Variants in PLEKHM2 observed in about 807,000 individuals in gnomAD.
The protein encoded by PLEKHM2 is pleckstrin homology and RUN domain containing M2.
In PLEKHM2, 77 loss-of-function variants were observed where a neutral mutation model predicts 116.3. The ratio of observed to expected loss-of-function variants is 0.66; its 90% CI spans 0.55 to 0.80. PLEKHM2 has a LOEUF of 0.80. Ranked by LOEUF, PLEKHM2 falls within the 30% of genes least tolerant of loss-of-function variation. The pLI is 0.00. For synonymous variants in PLEKHM2, 562 were observed against 571.0 expected, an observed-to-expected ratio of 0.98 and a Z score of 0.22; for missense variants, 1,183 against 1,354.9, an observed-to-expected ratio of 0.87 and a Z score of 1.99.
intron 1 of PLEKHM2, among the ~76,000 whole-genome samples, chr1:15,702,214 G>A (rs1426357600): frequency 6.6e-6 from 1 of 152,162 alleles, no homozygotes; most frequent in Admixed American, 6.6e-5. Context: ...CTTTCCATGG[G>A]ACGCGTCCTC....
intron 1 of PLEKHM2, among the ~76,000 whole-genome samples, chr1:15,703,642 G>C (rs1358621496): frequency 6.6e-6 from 1 of 152,196 alleles, no homozygotes; most frequent in African/African-American, 2.4e-5. Context: ...ACTAGAAATT[G>C]TTTTGTGGGT....
chr1:15,720,128 T>TTATATA (rs144815982), intron 6 of PLEKHM2, among the ~76,000 whole-genome samples: 5,188 of 115,772 alleles, frequency 0.045, 120 homozygotes, highest in Middle Eastern at 0.071. Flanking sequence ...AAAGCTGAAA[T>TTATATA]TATATATATA....
chr1:15,714,246 T>C (rs984736266), intron 1 of PLEKHM2, among the ~76,000 whole-genome samples: 4 of 151,822 alleles, frequency 2.6e-5, no homozygotes, highest in Non-Finnish European at 4.4e-5. Flanking sequence ...GGCCCTGTTT[T>C]GGTTTTTTAA....
chr1:15,711,805 C>G (rs1641336422), intron 1 of PLEKHM2, among the ~76,000 whole-genome samples: 1 of 151,966 alleles, frequency 6.6e-6, no homozygotes, highest in Non-Finnish European at 1.5e-5. Flanking sequence ...TATAACAACA[C>G]ATTAGGTTAA....
In PLEKHM2 at chr1:15,732,638, C is replaced by T; in HGVS notation, c.2832C>T (p.Leu944=). 2.5e-6 allele frequency: 4 copies of T among 1,606,164 alleles called. No homozygotes were observed. The highest frequency in any genetic ancestry group is 2.2e-5 in the East Asian group (1 of 44,650). ...AGTTCTCCCAGGACAGCCAGCAGCT[C>T]CTCCCGCCCTGGGTCATCTACCTGA... ...VLEFSQDSQQ[L]LPPWVIYLSC... Residue 944 remains leucine, a synonymous_variant, in exon 19 of 20, where the codon CTC becomes CTT. Transcript: ENST00000375799.
Position 15,725,250 on chromosome 1 carries a change from A to G in PLEKHM2, c.713-67A>G, listed in dbSNP as rs145370112. 1,519 of 1,178,912 alleles carry G rather than the reference A, an allele frequency of 1.3e-3. 17 individuals carry two copies. In the African/African-American group the frequency reaches 0.019, roughly 15 times the overall value. The allele number at this position is 1,178,912 out of a possible 1,614,324, so 73.0% of individuals were successfully genotyped here. On this transcript the variant is annotated intron_variant, in intron 7 of 19. Transcript: ENST00000375799. ...GCCTGCCTCCCTCCTGGGCTAACGCATGCTCTGGGGGTCGGGGACCCCGGG... is the reference window on the plus strand; with the variant it reads ...GCCTGCCTCCCTCCTGGGCTAACGCGTGCTCTGGGGGTCGGGGACCCCGGG...
At chr1:15,732,078 T>A in intron 17 of PLEKHM2, 30 bp downstream of exon 17, 1 of 1,597,388 alleles carries the variant, frequency 6.3e-7, no homozygotes, top group Non-Finnish European at 8.6e-7. Context: ...ACCGCTCACC[T>A]GGCTTGCCTG....
chr1:15,693,660 G>A (rs1335277533), intron 1 of PLEKHM2, among the ~76,000 whole-genome samples: 3 of 152,210 alleles, frequency 2.0e-5, no homozygotes, highest in Non-Finnish European at 4.4e-5. Context: ...GCTTCAGATG[G>A]AGCAGTGGTC....
At chr1:15,692,620 T>C (rs1454036008) in intron 1 of PLEKHM2, among the ~76,000 whole-genome samples, 1 of 152,238 alleles carries the variant, frequency 6.6e-6, no homozygotes, top group Non-Finnish European at 1.5e-5. Flanking sequence ...GGTTTTTTTG[T>C]AGAGACTGAG....
At chr1:15,722,307 C>A (rs563140940) in intron 7 of PLEKHM2, among the ~76,000 whole-genome samples, 12 of 152,280 alleles carry the variant, frequency 7.9e-5, no homozygotes, top group African/African-American at 2.9e-4. Context: ...CCACGCCCGG[C>A]TAATTTTTGT....
intron 2 of PLEKHM2, 60 bp downstream of exon 2, chr1:15,716,403 A>C: frequency 1.9e-6 from 2 of 1,030,342 alleles, no homozygotes; most frequent in Non-Finnish European, 2.9e-6. Context: ...AGTAGCCTCC[A>C]CAGAGAAACC....
chr1:15,727,668 C>A lies in PLEKHM2; in HGVS notation c.1596C>A (p.Ser532=). The A allele has an allele frequency of 1.3e-6, 2 of 1,595,360 alleles. No homozygotes were observed. ...REAQELEAQL[S]LVREGPVSEP... is the part of the protein sequence containing the mutation. ...CTCAGGAGCTGGAGGCCCAGCTGTCCCTGGTCAGGGAGGGGCCTGTGTCTG... is the reference window on the plus strand; with the variant it reads ...CTCAGGAGCTGGAGGCCCAGCTGTCACTGGTCAGGGAGGGGCCTGTGTCTG... Residue 532 remains serine (S), a synonymous_variant, in exon 9 of 20, where the codon TCC becomes TCA. Transcript: ENST00000375799. This position sits in a 1 kb window ranked among gnomAD's most constrained non-coding sequence, Gnocchi z 7.5.
At chr1:15,732,949 C>T (rs1029604737) in intron 19 of PLEKHM2, among the ~76,000 whole-genome samples, 6 of 152,234 alleles carry the variant, frequency 3.9e-5, no homozygotes, top group South Asian at 2.1e-4. Flanking sequence ...TCTCTTGCTG[C>T]GCACAAGCCT....
chr1:15,709,771 T>G (rs1406984604), intron 1 of PLEKHM2, among the ~76,000 whole-genome samples: 1 of 150,976 alleles, frequency 6.6e-6, no homozygotes, highest in African/African-American at 2.5e-5. Flanking sequence ...GCAAGCCACC[T>G]TGAAATAAAT....
At chr1:15,696,965 A>G (rs2148336319) in intron 1 of PLEKHM2, among the ~76,000 whole-genome samples, 1 of 152,308 alleles carries the variant, frequency 6.6e-6, no homozygotes, top group Non-Finnish European at 1.5e-5. Context: ...AGGATCCCCC[A>G]GCCTAACATT....
Position 15,732,405 on chromosome 1 carries a change from C to T in PLEKHM2, c.2681C>T (p.Thr894Met), listed in dbSNP as rs1192680002. The change falls in exon 18 of 20, where the codon ACG becomes ATG. Residue 894 changes from threonine (T) to methionine (M), a missense_variant. Thr to Met is a moderately conservative substitution (Grantham distance 81, BLOSUM62 -1). Transcript: ENST00000375799. ...TGCATACCCTGCTGCCTGGTCCTCA[C>T]GGATGACCGCCTCTTTACGTGCCAT... ...SPCIPCCLVL[T>M]DDRLFTCHED... is the part of the protein sequence containing the mutation. The T allele has an allele frequency of 1.2e-5, 19 of 1,569,190 alleles. No individual in the cohort carries two copies. Among genetic ancestry groups the T allele is most frequent in the Non-Finnish European group, 1.5e-5 (17 of 1,157,072 alleles).
At chr1:15,697,211 C>T (rs749353611) in intron 1 of PLEKHM2, among the ~76,000 whole-genome samples, 1 of 152,214 alleles carries the variant, frequency 6.6e-6, no homozygotes, top group Non-Finnish European at 1.5e-5. Flanking sequence ...CTCAGAAAAC[C>T]GAGCTCAGGG....
intron 1 of PLEKHM2, among the ~76,000 whole-genome samples, chr1:15,715,428 G>A (rs529399625): frequency 5.3e-5 from 8 of 152,308 alleles, no homozygotes; most frequent in African/African-American, 1.9e-4. Context: ...GATCACCTGA[G>A]GTCAGGAGCT....
At position 15,719,734 on chromosome 1, in the gene PLEKHM2, G is replaced by T. The variant is rs1206630127; in HGVS notation, c.466G>T (p.Asp156Tyr). ...LEFIRFELDL[D>Y]APYLDLAPYM... ...CGGGCCTCCTCTACTCTCTCCTCAGGATGCCCCTTACCTAGACCTGGCCCC... is the reference window on the plus strand; with the variant it reads ...CGGGCCTCCTCTACTCTCTCCTCAGTATGCCCCTTACCTAGACCTGGCCCC... Residue 156 changes from aspartate (D) to tyrosine (Y), a missense_variant and splice_region_variant, in exon 6 of 20, where the codon GAT (aspartate) becomes TAT (tyrosine). By Grantham distance (160) the Asp-to-Tyr change is radical (BLOSUM62 -3). This residue lies in a region of PLEKHM2 where 217 missense variants were observed against 277.6 expected (regional missense o/e 0.78). Coordinates refer to ENST00000375799, the MANE Select transcript of PLEKHM2 (RefSeq NM_015164.4). This position sits in a 1 kb window ranked among gnomAD's most constrained non-coding sequence, Gnocchi z 4.1. The T allele has an allele frequency of 6.2e-7, 1 of 1,609,706 alleles. No homozygotes were observed. Among genetic ancestry groups the T allele is most frequent in the Non-Finnish European group, 8.5e-7 (1 of 1,177,392 alleles).
Sources: allele counts gnomAD v4.1 joint callset (sites outside exome capture counted in the v4.1 genomes callset), GRCh38; gene constraint gnomAD v4.1.1; regional missense constraint gnomAD v4.1.1; non-coding constraint Gnocchi (gnomAD v3.1); transcripts MANE v1.5; gene names NCBI Gene and HGNC (gene_info 2026-07-23, HGNC 2026-07-21).